Variants in CCDC112 observed in about 807,000 individuals in gnomAD.
CCDC112 encodes the protein coiled-coil domain-containing protein 112.
Under a neutral mutation model 66.3 loss-of-function variants are expected in CCDC112, and 40 were observed. The observed-to-expected ratio is 0.60, with a 90% CI of 0.47 to 0.79. The LOEUF (loss-of-function observed/expected upper bound fraction) is 0.79. Ranked by LOEUF, CCDC112 falls within the 30% of genes least tolerant of loss-of-function variation. CCDC112 has a pLI of 0.00. For missense variants in CCDC112, 659 were observed against 603.8 expected (o/e 1.09, Z -0.96); for synonymous variants, 214 against 197.2 (o/e 1.09, Z -0.71).
Position 115,267,572 on chromosome 5 carries a change from A to G in CCDC112, c.*304T>C, listed in dbSNP as rs1323697730. ...TTGTTCCAATTTACTTTGCTATGCT[A>G]TAACAAAAACAAAATCTCTTTGAAA... On this transcript the variant is annotated 3_prime_UTR_variant, in exon 10 of 10. Coordinates refer to ENST00000379611, the MANE Select transcript of CCDC112 (RefSeq NM_001040440.3). 7.8e-6 allele frequency: 2 copies of G among 257,282 alleles called. No homozygotes were observed. Among genetic ancestry groups the G allele is most frequent in the African/African-American group, 2.3e-5 (1 of 43,924 alleles). 15.9% of individuals were successfully genotyped at this position (257,282 alleles called of 1,614,324 possible).
At chr5:115,282,442 A>G (rs1749496662) in intron 2 of CCDC112, among the ~76,000 whole-genome samples, 1 of 152,102 alleles carries the variant, frequency 6.6e-6, no homozygotes, top group African/African-American at 2.4e-5. Context: ...TTTCAAGTAA[A>G]TCCATCACAT....
chr5:115,271,169 C>A, intron 7 of CCDC112, 44 bp downstream of exon 7: 3 of 1,516,728 alleles, frequency 2.0e-6, no homozygotes, highest in South Asian at 1.3e-5. Context: ...GTAATACCTC[C>A]ATGTGTAGCA....
intron 6 of CCDC112, among the ~76,000 whole-genome samples, chr5:115,272,030 T>C (rs558628128): frequency 1.6e-4 from 25 of 151,908 alleles, no homozygotes; most frequent in Admixed American, 1.1e-3. Flanking sequence ...GTTCAAGTGA[T>C]TCTCCCGCCT....
chr5:115,268,517 C>G (rs1052377024), intron 9 of CCDC112, among the ~76,000 whole-genome samples: 7 of 151,766 alleles, frequency 4.6e-5, no homozygotes, highest in African/African-American at 1.7e-4. Context: ...GTGATCCGTC[C>G]TCCTTGGCCT....
intron 1 of CCDC112, among the ~76,000 whole-genome samples, chr5:115,291,471 T>C (rs902356401): frequency 1.3e-5 from 2 of 152,188 alleles, no homozygotes; most frequent in Admixed American, 6.5e-5. Context: ...TTGATTTTGG[T>C]ATCAGGGTAA....
rs189371209 is a variant in CCDC112 at position 115,284,917 on chromosome 5, A to G, written c.118-9T>C. 4,183 of 1,599,364 alleles carry G rather than the reference A, an allele frequency of 2.6e-3. 8 individuals are homozygous for G. The highest frequency in any genetic ancestry group is 3.7e-3 in the Middle Eastern group (22 of 6,016). On this transcript the variant is annotated splice_polypyrimidine_tract_variant and intron_variant, in intron 1 of 9. Coordinates refer to ENST00000379611, the MANE Select transcript of CCDC112 (RefSeq NM_001040440.3). Reference sequence around the variant, plus strand: ...CTAAAACAGCCATCACTCTGCATTGAGAACAAGAAAAACTTAACAGTAATG... The same window carrying G: ...CTAAAACAGCCATCACTCTGCATTGGGAACAAGAAAAACTTAACAGTAATG...
rs180980394 is a variant in CCDC112 at position 115,273,963 on chromosome 5, C to A, written c.918+1253G>T. ...GGGGGAGGGAGGAGAATGACAAGAA[C>A]AACAAAAATGCAGCTATTCCCTCTA... On this transcript the variant is annotated intron_variant, in intron 6 of 9. Transcript: ENST00000379611. Among the ~76,000 whole-genome samples, 186 of 152,234 alleles carry A rather than the reference C, an allele frequency of 1.2e-3. 1 individual carries two copies. Among genetic ancestry groups the A allele is most frequent in the Non-Finnish European group, 2.1e-3 (146 of 67,998 alleles).
At chr5:115,271,893 A>G (rs1749015792) in intron 6 of CCDC112, among the ~76,000 whole-genome samples, 4 of 149,676 alleles carry the variant, frequency 2.7e-5, no homozygotes, top group Admixed American at 2.0e-4. Context: ...ACTACAACTC[A>G]TGAATGATCC....
rs1007180139 is a variant in CCDC112, at chr5:115,268,948, C to A, written c.1481G>T (p.Gly494Val). ...DPSRLYKPTK[G>V]WEERTKKIGP... ...TATCTTTTTGGTTCGTTCTTCCCAA[C>A]CTTTGGTGGGTTTGTAAAGCCTAGA... The change falls in exon 9 of 10, where the codon GGT becomes GTT. Residue 494 changes from glycine to valine, a missense_variant. By Grantham distance (109) the Gly-to-Val change is moderately radical. Transcript: ENST00000379611. 1 of 1,607,062 alleles carries A rather than the reference C, an allele frequency of 6.2e-7. No homozygotes were observed. Among genetic ancestry groups the A allele is most frequent in the Non-Finnish European group, 8.5e-7 (1 of 1,176,916 alleles).
intron 1 of CCDC112, among the ~76,000 whole-genome samples, chr5:115,295,245 T>C (rs1356093306): frequency 6.6e-6 from 1 of 152,078 alleles, no homozygotes; most frequent in Non-Finnish European, 1.5e-5. Context: ...ATAACAACAT[T>C]AGGCAACTCG....
intron 1 of CCDC112, among the ~76,000 whole-genome samples, chr5:115,292,553 G>A (rs370709507): frequency 1.2e-4 from 19 of 152,078 alleles, no homozygotes; most frequent in African/African-American, 4.8e-5. Context: ...CTTTCTTGCC[G>A]TGTCTCATAA....
At position 115,271,474 on chromosome 5, in the gene CCDC112, T is replaced by G; in HGVS notation, c.1071A>C (p.Ala357=). Reference sequence around the variant, plus strand: ...TTTTCTGTTTCTTCCAAGCTTCAACTGCCAATTTCTGTTTCTTTCTTTGTT... The same window carrying G: ...TTTTCTGTTTCTTCCAAGCTTCAACGGCCAATTTCTGTTTCTTTCTTTGTT... The part of the protein sequence containing the change: ...KEEQRKKQKL[A]VEAWKKQKSI... Residue 357 remains alanine (A), a synonymous_variant, in exon 7 of 10, where the codon GCA becomes GCC. Coordinates refer to ENST00000379611, the MANE Select transcript of CCDC112 (RefSeq NM_001040440.3). The G allele has an allele frequency of 6.2e-7, 1 of 1,613,044 alleles. No homozygotes were observed. Among genetic ancestry groups the G allele is most frequent in the Non-Finnish European group, 8.5e-7 (1 of 1,179,804 alleles).
At chr5:115,268,158 A>G (rs1433820787) in intron 9 of CCDC112, among the ~76,000 whole-genome samples, 1 of 152,220 alleles carries the variant, frequency 6.6e-6, no homozygotes, top group Non-Finnish European at 1.5e-5. Context: ...TCGATCTTTC[A>G]TTCATTCTTT....
intron 2 of CCDC112, among the ~76,000 whole-genome samples, chr5:115,281,442 G>C (rs183159841): frequency 1.3e-5 from 2 of 152,150 alleles, no homozygotes; most frequent in African/African-American, 4.8e-5. Context: ...TGTGTGTTTA[G>C]GTAGCTTCTA....
intron 2 of CCDC112, among the ~76,000 whole-genome samples, chr5:115,282,118 G>A (rs993329101): frequency 1.3e-5 from 2 of 152,100 alleles, no homozygotes; most frequent in Non-Finnish European, 2.9e-5. Context: ...ATAAATATGG[G>A]CAGGTTAAAT....
At chr5:115,275,160 G>T in intron 6 of CCDC112, 56 bp downstream of exon 6, 1 of 1,333,114 alleles carries the variant, frequency 7.5e-7, no homozygotes, top group Non-Finnish European at 1.0e-6. Flanking sequence ...TAAGTGTTTA[G>T]TACAGTGCCT....
chr5:115,283,893 T>G (rs547847894), intron 2 of CCDC112, among the ~76,000 whole-genome samples: 1 of 152,206 alleles, frequency 6.6e-6, no homozygotes, highest in Non-Finnish European at 1.5e-5. Flanking sequence ...TGCCTTGAGT[T>G]CTAATTCTTT....
At chr5:115,291,969 G>A (rs1437739271) in intron 1 of CCDC112, among the ~76,000 whole-genome samples, 2 of 152,140 alleles carry the variant, frequency 1.3e-5, no homozygotes, top group Non-Finnish European at 2.9e-5. Context: ...GATGTGTCTA[G>A]ATATGAATTT....
At chr5:115,272,032 C>T (rs1303129816) in intron 6 of CCDC112, among the ~76,000 whole-genome samples, 1 of 149,886 alleles carries the variant, frequency 6.7e-6, no homozygotes, top group African/African-American at 2.5e-5. Context: ...TCAAGTGATT[C>T]TCCCGCCTCA....
Sources: gnomAD v4.1 joint callset for allele counts (sites outside exome capture counted in the v4.1 genomes callset) on GRCh38, gnomAD v4.1.1 for gene constraint, MANE v1.5 for transcripts, NCBI Gene and HGNC (gene_info 2026-07-23, HGNC 2026-07-21) for gene names.